The following PTPRM variants were observed in gnomAD, a reference collection of about 807,000 sequenced individuals.
The protein encoded by PTPRM is protein tyrosine phosphatase receptor type M.
PTPRM carries 47 observed loss-of-function variants against 186.7 expected under a neutral mutation model. The observed-to-expected ratio is 0.25, with a 90% CI of 0.20 to 0.32. PTPRM has a LOEUF of 0.32. Ranked by LOEUF, PTPRM falls within the 10% of genes least tolerant of loss-of-function variation. The pLI is 1.00. For synonymous variants in PTPRM, 668 were observed against 674.9 expected (o/e 0.99, Z 0.16); for missense variants, 1,494 against 1,865.0 (o/e 0.80, Z 3.66).
rs770079266 is a variant in PTPRM, at chr18:7,568,929, G to GATTATTAGATC, written c.73+1038_73+1039insATTATTAGATC. Among the ~76,000 whole-genome samples the GATTATTAGATC allele has an allele frequency of 5.9e-5, 9 of 152,262 alleles. No homozygotes were observed. The highest frequency in any genetic ancestry group is 1.3e-4 in the Non-Finnish European group (9 of 68,016). Reference sequence around the variant, plus strand: ...GGCCCATTTGCACACCTTCTTTCTAGTGTTTATTAGATTAGTTTCATTAAG... The same window carrying GATTATTAGATC: ...GGCCCATTTGCACACCTTCTTTCTAGATTATTAGATCTGTTTATTAGATTAGTTTCATTAAG... On this transcript the variant is annotated intron_variant, in intron 1 of 32. Transcript: ENST00000580170. The surrounding 1 kb of genome is among the most constrained non-coding windows in gnomAD (Gnocchi z 5.1).
At chr18:8,271,064 G>C in intron 19 of PTPRM, among the ~76,000 whole-genome samples, 1 of 152,014 alleles carries the variant, frequency 6.6e-6, no homozygotes, top group Non-Finnish European at 1.5e-5. Flanking sequence ...TAACTTGACT[G>C]TGGTAATCAT....
chr18:7,784,434 G>A (rs1030801530), intron 2 of PTPRM, among the ~76,000 whole-genome samples: 3 of 152,094 alleles, frequency 2.0e-5, no homozygotes, highest in Non-Finnish European at 2.9e-5. Flanking sequence ...TTATGTAATA[G>A]TTCCTGGAAT....
At chr18:8,004,161 C>T (rs2084033428) in intron 7 of PTPRM, among the ~76,000 whole-genome samples, 1 of 152,154 alleles carries the variant, frequency 6.6e-6, no homozygotes, top group Non-Finnish European at 1.5e-5. Context: ...GTCACTTTCT[C>T]TGATTGAGAG....
chr18:8,361,631 C>G (rs184506985), intron 23 of PTPRM, among the ~76,000 whole-genome samples: 52 of 152,326 alleles, frequency 3.4e-4, no homozygotes, highest in Non-Finnish European at 1.5e-5. Context: ...GAACCACATT[C>G]TAGAATCACA....
chr18:8,322,764 A>G (rs1598300793), intron 22 of PTPRM, among the ~76,000 whole-genome samples: 1 of 152,086 alleles, frequency 6.6e-6, no homozygotes, highest in Non-Finnish European at 1.5e-5. Context: ...TGGATAGAAC[A>G]CCTGCTGGCC....
chr18:8,063,283 C>A (rs986585294), intron 7 of PTPRM, among the ~76,000 whole-genome samples: 1 of 151,042 alleles, frequency 6.6e-6, no homozygotes, highest in African/African-American at 2.5e-5. Flanking sequence ...CCTTGCGCTT[C>A]CCAGGTGAGG....
chr18:8,126,481 G>C (rs1050140830), intron 13 of PTPRM, among the ~76,000 whole-genome samples: 2 of 152,020 alleles, frequency 1.3e-5, no homozygotes, highest in Middle Eastern at 3.2e-3. Flanking sequence ...CCATAAAAAG[G>C]TTGAATGTTA....
At chr18:7,716,783 A>C (rs1006333226) in intron 1 of PTPRM, among the ~76,000 whole-genome samples, 3 of 152,216 alleles carry the variant, frequency 2.0e-5, no homozygotes, top group Non-Finnish European at 4.4e-5. Context: ...ATGAGATACC[A>C]TCTCATACCA....
At chr18:7,827,822 G>C (rs1464895351) in intron 2 of PTPRM, among the ~76,000 whole-genome samples, 2 of 152,216 alleles carry the variant, frequency 1.3e-5, no homozygotes, top group African/African-American at 4.8e-5. Context: ...TGATTGTCAG[G>C]AGGCATGGTT....
At chr18:7,695,692 G>A (rs1278612426) in intron 1 of PTPRM, among the ~76,000 whole-genome samples, 1 of 152,158 alleles carries the variant, frequency 6.6e-6, no homozygotes, top group Non-Finnish European at 1.5e-5. Context: ...TATCTGCTCT[G>A]TTGGCTTCTG....
At chr18:7,860,999 T>G (rs1233362752) in intron 2 of PTPRM, among the ~76,000 whole-genome samples, 2 of 152,222 alleles carry the variant, frequency 1.3e-5, no homozygotes, top group Non-Finnish European at 2.9e-5. Flanking sequence ...GTTCTTCCAC[T>G]GAGAAAGAAG....
At chr18:7,922,669 A>C (rs1223061582) in intron 4 of PTPRM, among the ~76,000 whole-genome samples, 2 of 152,102 alleles carry the variant, frequency 1.3e-5, no homozygotes, top group Non-Finnish European at 2.9e-5. Context: ...TGCTGGTGAT[A>C]ATCTCTGTGC....
intron 2 of PTPRM, among the ~76,000 whole-genome samples, chr18:7,816,666 C>G (rs1041648935): frequency 6.6e-5 from 10 of 152,080 alleles, no homozygotes; most frequent in African/African-American, 1.2e-4. Flanking sequence ...ATTGAATTTA[C>G]TTCTAATATC....
At chr18:8,352,632 C>CTTTTTTTTTTTTTGGTTTTTTTTTTTT (rs2095540295) in intron 23 of PTPRM, among the ~76,000 whole-genome samples, 1 of 130,460 alleles carries the variant, frequency 7.7e-6, no homozygotes, top group Non-Finnish European at 1.6e-5. Flanking sequence ...TTTTTCTTTT[C>CTTTTTTTTTTTTTGGTTTTTTTTTTTT]TTTTTTTTTT....
chr18:7,583,958 T>A (rs1316081999), intron 1 of PTPRM, among the ~76,000 whole-genome samples: 1 of 152,206 alleles, frequency 6.6e-6, no homozygotes, highest in Non-Finnish European at 1.5e-5. Context: ...TTTCATTGCC[T>A]TTTGAGGCTT....
At chr18:7,809,805 G>T (rs1225877824) in intron 2 of PTPRM, among the ~76,000 whole-genome samples, 6 of 152,306 alleles carry the variant, frequency 3.9e-5, no homozygotes, top group Non-Finnish European at 7.4e-5. Flanking sequence ...AGTTTAAGAT[G>T]ATAAGGGGAG....
chr18:7,763,889 G>C (rs2041898127), intron 1 of PTPRM, among the ~76,000 whole-genome samples: 2 of 152,030 alleles, frequency 1.3e-5, no homozygotes, highest in Non-Finnish European at 2.9e-5. Flanking sequence ...ATAAAATCAA[G>C]AGGTGGATTT....
At chr18:8,301,996 A>G (rs1183568111) in intron 20 of PTPRM, among the ~76,000 whole-genome samples, 2 of 152,168 alleles carry the variant, frequency 1.3e-5, no homozygotes, top group African/African-American at 4.8e-5. Context: ...GGAGTGGGGT[A>G]GGGGCAGAGG....
intron 1 of PTPRM, among the ~76,000 whole-genome samples, chr18:7,658,358 A>ATG (rs1248010709): frequency 7.0e-6 from 1 of 143,306 alleles, no homozygotes; most frequent in Non-Finnish European, 1.5e-5. Context: ...ATATATATAT[A>ATG]TACATACACA....
Sources: allele counts gnomAD v4.1 joint callset (sites outside exome capture counted in the v4.1 genomes callset), GRCh38; gene constraint gnomAD v4.1.1; non-coding constraint Gnocchi (gnomAD v3.1); transcripts MANE v1.5; gene names NCBI Gene and HGNC (gene_info 2026-07-23, HGNC 2026-07-21).